DCDC1: variants seen among roughly 807,000 people sequenced by gnomAD.
DCDC1 encodes doublecortin domain-containing protein 1.
In DCDC1, 200 loss-of-function variants were observed where a neutral mutation model predicts 178.3. The ratio of observed to expected loss-of-function variants is 1.12; its 90% CI spans 1.00 to 1.26. The LOEUF (loss-of-function observed/expected upper bound fraction) is 1.26. Among genes scored for constraint, DCDC1 ranks in the 50% most tolerant of loss-of-function variants. The pLI is 0.00. For synonymous variants in DCDC1, 690 were observed against 604.8 expected (o/e 1.14, Z -2.07); for missense variants, 1,983 against 1,749.2 (o/e 1.13, Z -2.38).
chr11:31,100,679 G>C (rs1958448132), intron 15 of DCDC1, among the ~76,000 whole-genome samples: 3 of 152,154 alleles, frequency 2.0e-5, no homozygotes, highest in Admixed American at 2.0e-4. Flanking sequence ...GTAATGTACA[G>C]TATACAGAGC....
chr11:31,234,795 C>G (rs1330539812), intron 9 of DCDC1, among the ~76,000 whole-genome samples: 2 of 152,152 alleles, frequency 1.3e-5, no homozygotes, highest in Non-Finnish European at 2.9e-5. Context: ...CCCTCTCTAA[C>G]CAGCTGAAGA....
At chr11:31,017,830 T>C (rs935825772) in intron 20 of DCDC1, among the ~76,000 whole-genome samples, 3 of 152,210 alleles carry the variant, frequency 2.0e-5, no homozygotes, top group African/African-American at 7.2e-5. Flanking sequence ...TGGACTCAAG[T>C]GGTCCTCCCA....
intron 8 of DCDC1, among the ~76,000 whole-genome samples, chr11:31,258,764 G>A (rs1421688990): frequency 6.6e-6 from 1 of 152,126 alleles, no homozygotes; most frequent in Non-Finnish European, 1.5e-5. Flanking sequence ...GGGGGAAACT[G>A]TGCCCATGAA....
chr11:30,942,057 A>G (rs1445665088), intron 21 of DCDC1, among the ~76,000 whole-genome samples: 1 of 152,208 alleles, frequency 6.6e-6, no homozygotes, highest in Non-Finnish European at 1.5e-5. Context: ...AACCTCACTG[A>G]GAAACTTTCA....
At chr11:30,883,549 G>T in intron 36 of DCDC1, 1 of 401,630 alleles carries the variant, frequency 2.5e-6, no homozygotes, top group South Asian at 1.9e-5. Context: ...TGAACAATAT[G>T]ACTAAGATTT....
chr11:31,134,896 T>C (rs1301806928), intron 10 of DCDC1, among the ~76,000 whole-genome samples: 2 of 152,134 alleles, frequency 1.3e-5, no homozygotes, highest in Non-Finnish European at 2.9e-5. Flanking sequence ...CTCAGGAGGC[T>C]GAAGCAAGAG....
At chr11:30,867,201 A>G (rs1455264184) in intron 38 of DCDC1, among the ~76,000 whole-genome samples, 1 of 152,222 alleles carries the variant, frequency 6.6e-6, no homozygotes, top group Admixed American at 6.5e-5. Context: ...CCAAGACCAC[A>G]TCTAACATTT....
In DCDC1 at chr11:31,305,736, G is replaced by A. The variant is rs1036702371; in HGVS notation, c.633C>T (p.Ala211=). 5.0e-6 allele frequency: 8 copies of A among 1,613,636 alleles called. No individual in the cohort carries two copies. The Admixed American group carries it at 5.0e-5, about 10-fold the overall frequency. ...CGTCTGCCAAGAACACTCGTCTTGC[G>A]GCCATGTTCAGATTCAGCTTTTCTG... ...ECTEKLNLNM[A]ARRVFLADGK... Residue 211 remains alanine, a synonymous_variant, in exon 6 of 39, where the codon GCC becomes GCT. Coordinates refer to ENST00000684477, the MANE Select transcript of DCDC1 (RefSeq NM_001387274.1).
At chr11:31,096,990 C>T (rs187433001) in intron 15 of DCDC1, among the ~76,000 whole-genome samples, 23 of 152,160 alleles carry the variant, frequency 1.5e-4, no homozygotes, top group Non-Finnish European at 2.6e-4. Flanking sequence ...TAGATTGAGA[C>T]TGGTGTCTAA....
chr11:31,159,596 C>T (rs1040907710), intron 9 of DCDC1, among the ~76,000 whole-genome samples: 34 of 152,202 alleles, frequency 2.2e-4, no homozygotes, highest in African/African-American at 3.6e-4. Context: ...CTGATATTCA[C>T]GATGCAGGCA....
chr11:31,339,967 C>T (rs1375789750), intron 1 of DCDC1, among the ~76,000 whole-genome samples: 1 of 151,890 alleles, frequency 6.6e-6, no homozygotes, highest in Non-Finnish European at 1.5e-5. Flanking sequence ...ATGGGACTCA[C>T]CAAAGATTTA....
At chr11:31,027,617 T>A (rs1426543016) in intron 20 of DCDC1, among the ~76,000 whole-genome samples, 1 of 151,928 alleles carries the variant, frequency 6.6e-6, no homozygotes, top group Non-Finnish European at 1.5e-5. Context: ...AGCAACTTAG[T>A]GACATCTTAA....
At chr11:31,104,875 C>T (rs1363836618) in intron 13 of DCDC1, among the ~76,000 whole-genome samples, 2 of 151,876 alleles carry the variant, frequency 1.3e-5, no homozygotes, top group Non-Finnish European at 2.9e-5. Context: ...GCTCATTGTA[C>T]TATTTTTTCA....
chr11:31,012,287 C>T (rs1565181572), intron 20 of DCDC1, among the ~76,000 whole-genome samples: 1 of 152,016 alleles, frequency 6.6e-6, no homozygotes, highest in Non-Finnish European at 1.5e-5. Context: ...AAGCAAGTTG[C>T]CAGATGCAGT....
At chr11:31,175,325 A>C (rs1967854549) in intron 9 of DCDC1, among the ~76,000 whole-genome samples, 1 of 151,918 alleles carries the variant, frequency 6.6e-6, no homozygotes, top group African/African-American at 2.4e-5. Flanking sequence ...CACAACCATA[A>C]CCCTGATGGC....
intron 18 of DCDC1, among the ~76,000 whole-genome samples, chr11:31,071,557 A>C (rs1207095098): frequency 6.6e-6 from 1 of 152,100 alleles, no homozygotes; most frequent in Non-Finnish European, 1.5e-5. Flanking sequence ...CCATACTGTC[A>C]ACTCCAGGAA....
intron 20 of DCDC1, among the ~76,000 whole-genome samples, chr11:30,995,368 T>C (rs776191514): frequency 1.8e-4 from 27 of 152,106 alleles, no homozygotes; most frequent in Non-Finnish European, 1.2e-4. Context: ...GTAATTCCAA[T>C]AAAAATCCCA....
At chr11:31,084,031 T>C (rs1957340175) in intron 17 of DCDC1, among the ~76,000 whole-genome samples, 1 of 152,328 alleles carries the variant, frequency 6.6e-6, no homozygotes, top group East Asian at 1.9e-4. Context: ...GTAAAGAGAT[T>C]GTTGGTTTAC....
intron 6 of DCDC1, among the ~76,000 whole-genome samples, chr11:31,294,834 GAAAGAAAGAAAGA>G (rs1308034186): frequency 6.7e-6 from 1 of 149,102 alleles, no homozygotes; most frequent in Non-Finnish European, 1.5e-5. Flanking sequence ...AAGAAAGAAA[GAAAGAAAGAAAGA>G]AAGAAAGAAA....
Sources: allele counts gnomAD v4.1 joint callset (sites outside exome capture counted in the v4.1 genomes callset), GRCh38; gene constraint gnomAD v4.1.1; transcripts MANE v1.5; gene names NCBI Gene and HGNC (gene_info 2026-07-23, HGNC 2026-07-21).